Variants in UBE2V1 observed in about 807,000 individuals in gnomAD.
UBE2V1 encodes ubiquitin-conjugating enzyme E2 variant 1.
A neutral mutation model predicts 19.6 loss-of-function variants in UBE2V1; 15 were observed. That is an observed-to-expected ratio of 0.77 (90% CI 0.51 to 1.18). The LOEUF (loss-of-function observed/expected upper bound fraction) is 1.18, where lower values mean the gene tolerates loss of function less well. Ranked by LOEUF, UBE2V1 falls within the 50% of genes most tolerant of loss-of-function variation. The pLI is 0.00. For synonymous variants in UBE2V1, 60 were observed against 60.7 expected (o/e 0.99, Z 0.05); for missense variants, 125 against 184.8 (o/e 0.68, Z 1.88).
At chr20:50,087,293 G>A (rs1314728178) in intron 2 of UBE2V1, among the ~76,000 whole-genome samples, 2 of 151,390 alleles carry the variant, frequency 1.3e-5, no homozygotes, top group East Asian at 3.9e-4. Context: ...CTAACCGGGG[G>A]GCTGAGACAG....
At chr20:50,111,937 C>G (rs1037673804) in intron 1 of UBE2V1, among the ~76,000 whole-genome samples, 1 of 152,198 alleles carries the variant, frequency 6.6e-6, no homozygotes, top group Non-Finnish European at 1.5e-5. Flanking sequence ...TTCACCCCAT[C>G]TGAGAGAACC....
chr20:50,098,782 T>C, intron 1 of UBE2V1: 1 of 370,306 alleles, frequency 2.7e-6, no homozygotes, highest in Non-Finnish European at 3.7e-6. Flanking sequence ...AAGTTTCCTT[T>C]AAAATAAATG....
chr20:50,115,709 C>T, upstream of UBE2V1: 1 of 1,109,730 alleles, frequency 9.0e-7, no homozygotes, highest in Non-Finnish European at 1.2e-6. Context: ...CAAGCCGTTA[C>T]ATCCAACTTT....
intron 1 of UBE2V1, among the ~76,000 whole-genome samples, chr20:50,097,750 C>A (rs6012833): frequency 8.5e-5 from 13 of 152,278 alleles, no homozygotes; most frequent in South Asian, 6.2e-4. Context: ...AAGTTCTCTG[C>A]CTTGAATGCT....
chr20:50,114,487 G>A (rs1446667793), upstream of UBE2V1, among the ~76,000 whole-genome samples: 2 of 152,160 alleles, frequency 1.3e-5, no homozygotes, highest in Non-Finnish European at 2.9e-5. Context: ...AGCCTTCAGT[G>A]GCTCCCCATT....
intron 1 of UBE2V1, among the ~76,000 whole-genome samples, chr20:50,101,571 C>CAAA (rs11481618): frequency 0.086 from 6,077 of 71,036 alleles, 358 homozygotes; most frequent in South Asian, 0.13. Context: ...CATTTATAAG[C>CAAA]AAAAAAAAAA....
At chr20:50,085,906 T>TCCCACTGTTCTACCTCTGAAAGAGAC (rs538093202) in intron 2 of UBE2V1, among the ~76,000 whole-genome samples, 19 of 152,142 alleles carry the variant, frequency 1.2e-4, no homozygotes, top group Non-Finnish European at 1.2e-4. Context: ...GGTCAGAAGG[T>TCCCACTGTTCTACCTCTGAAAGAGAC]CCCACTGTTC....
upstream of UBE2V1, chr20:50,113,158 C>T: frequency 1.4e-5 from 18 of 1,317,866 alleles, no homozygotes; most frequent in Non-Finnish European, 1.7e-5. Flanking sequence ...AAGGCCGGCC[C>T]CTTCTTCACC....
intron 3 of UBE2V1, chr20:50,083,589 G>A (rs1427721807): frequency 6.5e-6 from 1 of 153,286 alleles, no homozygotes; most frequent in East Asian, 1.9e-4. Flanking sequence ...CTTTGAACAG[G>A]AGAGCAGGCC....
chr20:50,102,183 G>C (rs2080043925), intron 1 of UBE2V1, among the ~76,000 whole-genome samples: 1 of 152,164 alleles, frequency 6.6e-6, no homozygotes, highest in South Asian at 2.1e-4. Flanking sequence ...ATGGGAAGTA[G>C]AAGAGATGTA....
chr20:50,106,865 C>CAAAAAAAAAAAAAAAAAAAA (rs1272365842), intron 1 of UBE2V1, among the ~76,000 whole-genome samples: 1 of 88,432 alleles, frequency 1.1e-5, no homozygotes, highest in African/African-American at 5.7e-5. Context: ...ACAACAACAA[C>CAAAAAAAAAAAAAAAAAAAA]AACAACAACA....
chr20:50,113,011 G>A, intron 1 of UBE2V1, 96 bp downstream of exon 1: 2 of 504,064 alleles, frequency 4.0e-6, no homozygotes, highest in Non-Finnish European at 6.3e-6. Flanking sequence ...AGGCGGCGCG[G>A]GGACCCTGGC....
intron 2 of UBE2V1, among the ~76,000 whole-genome samples, chr20:50,089,220 G>C (rs968278794): frequency 6.6e-6 from 1 of 152,156 alleles, no homozygotes; most frequent in African/African-American, 2.4e-5. Flanking sequence ...TACCAGGGTT[G>C]AGTTTACCAG....
At chr20:50,099,512 T>C (rs544770562) in intron 1 of UBE2V1, among the ~76,000 whole-genome samples, 10 of 152,314 alleles carry the variant, frequency 6.6e-5, no homozygotes, top group African/African-American at 2.4e-4. Context: ...TTTCTCTATT[T>C]CCTGATTTTT....
In UBE2V1 at chr20:50,085,954, G is replaced by A. The variant is rs575251000; in HGVS notation, c.172-1700C>T. Reference sequence around the variant, plus strand: ...AGACCCCACTGTTCTACCTCTGAAAGAGACCCCATATCCATCCACTTTCCT... The same window carrying A: ...AGACCCCACTGTTCTACCTCTGAAAAAGACCCCATATCCATCCACTTTCCT... On this transcript the variant is annotated intron_variant, in intron 2 of 3. Transcript: ENST00000371674. Among the ~76,000 whole-genome samples the A allele has an allele frequency of 9.9e-5, 15 of 152,106 alleles. No individual in the cohort carries two copies. The South Asian group carries it at 3.1e-3, about 32-fold the overall frequency.
intron 2 of UBE2V1, among the ~76,000 whole-genome samples, chr20:50,092,631 A>C (rs1051183158): frequency 3.0e-4 from 45 of 152,220 alleles, no homozygotes; most frequent in African/African-American, 1.1e-3. Flanking sequence ...TCTGTGGTCA[A>C]AGTAGAAATA....
chr20:50,101,761 G>T (rs1282163544), intron 1 of UBE2V1, among the ~76,000 whole-genome samples: 1 of 151,928 alleles, frequency 6.6e-6, no homozygotes, highest in South Asian at 2.1e-4. Flanking sequence ...ACAATCTAGG[G>T]GCTATGAACA....
At chr20:50,097,430 C>A (rs140570807) in intron 1 of UBE2V1, among the ~76,000 whole-genome samples, 235 of 152,198 alleles carry the variant, frequency 1.5e-3, no homozygotes, top group African/African-American at 5.4e-3. Context: ...TCCAAAAATC[C>A]CAAAGCCTGG....
At chr20:50,112,563 C>T (rs1288852414) in intron 1 of UBE2V1, among the ~76,000 whole-genome samples, 5 of 152,210 alleles carry the variant, frequency 3.3e-5, no homozygotes, top group African/African-American at 4.8e-5. Context: ...AACCCCATCT[C>T]TAAAACTAAC....
Sources: allele counts gnomAD v4.1 joint callset (sites outside exome capture counted in the v4.1 genomes callset), GRCh38; gene constraint gnomAD v4.1.1; transcripts MANE v1.5; gene names NCBI Gene and HGNC (gene_info 2026-07-23, HGNC 2026-07-21).